SPOCK1: variants seen among roughly 807,000 people sequenced by gnomAD.
SPOCK1 encodes SPARC (osteonectin), cwcv and kazal like domains proteoglycan 1.
SPOCK1 carries 23 observed loss-of-function variants against 55.3 expected under a neutral mutation model. That is an observed-to-expected ratio of 0.42 (90% CI 0.30 to 0.59). The LOEUF (loss-of-function observed/expected upper bound fraction) is 0.59, where lower values mean the gene tolerates loss of function less well. Ranked by LOEUF, SPOCK1 falls within the 20% of genes least tolerant of loss-of-function variation. The pLI is 0.22. For synonymous variants in SPOCK1, 226 were observed against 221.0 expected, an observed-to-expected ratio of 1.02 and a Z score of -0.20; for missense variants, 499 against 552.5, an observed-to-expected ratio of 0.90 and a Z score of 0.97.
At chr5:137,225,222 A>T (rs377558562) in intron 3 of SPOCK1, among the ~76,000 whole-genome samples, 114 of 152,178 alleles carry the variant, frequency 7.5e-4, no homozygotes, top group African/African-American at 2.7e-3. Context: ...AACTGGGCTC[A>T]GTTTCCATCT....
intron 2 of SPOCK1, among the ~76,000 whole-genome samples, chr5:137,294,422 C>G (rs181466484): frequency 6.6e-6 from 1 of 152,222 alleles, no homozygotes; most frequent in East Asian, 1.9e-4. Flanking sequence ...AGTGATCTGC[C>G]CAAGGATGCA....
At chr5:137,394,348 C>A (rs927457934) in intron 2 of SPOCK1, among the ~76,000 whole-genome samples, 4 of 152,170 alleles carry the variant, frequency 2.6e-5, no homozygotes, top group Non-Finnish European at 5.9e-5. Context: ...AATTCACTAG[C>A]ATCTCTGAAT....
chr5:137,044,054 T>C (rs1327466218), intron 6 of SPOCK1, among the ~76,000 whole-genome samples: 1 of 152,198 alleles, frequency 6.6e-6, no homozygotes, highest in Non-Finnish European at 1.5e-5. Flanking sequence ...AAAGAGTTTA[T>C]GTGAAAAAAT....
intron 2 of SPOCK1, among the ~76,000 whole-genome samples, chr5:137,481,931 T>A (rs1053076647): frequency 6.6e-6 from 1 of 151,932 alleles, no homozygotes; most frequent in Non-Finnish European, 1.5e-5. Flanking sequence ...AGGAGTTACA[T>A]TGGCAGGAAG....
intron 6 of SPOCK1, among the ~76,000 whole-genome samples, chr5:137,025,101 G>T (rs1451834192): frequency 6.6e-6 from 1 of 152,126 alleles, no homozygotes; most frequent in African/African-American, 2.4e-5. Flanking sequence ...GTTGCCAGGG[G>T]GAAGAGAAAA....
chr5:137,038,995 C>T (rs1751937908), intron 6 of SPOCK1, among the ~76,000 whole-genome samples: 1 of 152,124 alleles, frequency 6.6e-6, no homozygotes, highest in South Asian at 2.1e-4. Flanking sequence ...AATGTTGTTA[C>T]ACAGACCTTC....
intron 6 of SPOCK1, among the ~76,000 whole-genome samples, chr5:137,019,379 A>G (rs1019111989): frequency 6.6e-6 from 1 of 152,156 alleles, no homozygotes; most frequent in Non-Finnish European, 1.5e-5. Flanking sequence ...TGTTATACAT[A>G]CAGTTTAGTG....
intron 3 of SPOCK1, among the ~76,000 whole-genome samples, chr5:137,246,459 T>A (rs1260986928): frequency 1.3e-5 from 2 of 152,180 alleles, no homozygotes; most frequent in Non-Finnish European, 2.9e-5. Flanking sequence ...GAATCAAACA[T>A]AACATATTTT....
intron 2 of SPOCK1, among the ~76,000 whole-genome samples, chr5:137,471,504 G>A (rs1580945126): frequency 1.3e-5 from 2 of 152,208 alleles, no homozygotes; most frequent in Admixed American, 6.5e-5. Flanking sequence ...TCAGTCAGTA[G>A]TCACCGCTAT....
At chr5:137,094,650 T>C (rs144379801) in intron 5 of SPOCK1, among the ~76,000 whole-genome samples, 1 of 152,340 alleles carries the variant, frequency 6.6e-6, no homozygotes, top group African/African-American at 2.4e-5. Flanking sequence ...CTTGCCCTGA[T>C]ATTGATGACT....
chr5:136,992,965 T>C lies in SPOCK1; in HGVS notation c.590-365A>G, dbSNP rs3777223. ...CAGTTTTGCCAGAGGAGATTACATT[T>C]TCCACTAAACTCATGCCAAGAGATT... On this transcript the variant is annotated intron_variant, in intron 6 of 10. Transcript: ENST00000394945. The C allele has an allele frequency of 1.5e-3, 247 of 169,096 alleles. 2 individuals carry two copies. Among genetic ancestry groups the C allele is most frequent in the East Asian group, 9.6e-3 (58 of 6,014 alleles). 10.5% of individuals were successfully genotyped at this position (169,096 alleles called of 1,614,324 possible). A position where few individuals can be genotyped will look rare whatever the true frequency, so the allele number is the denominator to read the frequency against.
chr5:137,242,380 C>T (rs1756299883), intron 3 of SPOCK1, among the ~76,000 whole-genome samples: 1 of 152,106 alleles, frequency 6.6e-6, no homozygotes, highest in South Asian at 2.1e-4. Flanking sequence ...AGGGTAGTTC[C>T]CTAGCACACA....
In SPOCK1 at chr5:137,009,883, C is replaced by T. The variant is rs79960595; in HGVS notation, c.590-17283G>A. Among the ~76,000 whole-genome samples the T allele has an allele frequency of 6.6e-3, 1,006 of 151,892 alleles. 7 individuals are homozygous for T. The highest frequency in any genetic ancestry group is 0.034 in the Middle Eastern group (10 of 294). On this transcript the variant is annotated intron_variant, in intron 6 of 10. Coordinates refer to ENST00000394945, the MANE Select transcript of SPOCK1 (RefSeq NM_004598.4). ...TTGCCTGGTGCTTGGTCTCCCCTCTCCTAATTTGTAAAAGGAGAATGCTTT... is the reference window on the plus strand; with the variant it reads ...TTGCCTGGTGCTTGGTCTCCCCTCTTCTAATTTGTAAAAGGAGAATGCTTT...
chr5:137,024,977 C>A (rs765242277), intron 6 of SPOCK1, among the ~76,000 whole-genome samples: 6 of 152,116 alleles, frequency 3.9e-5, no homozygotes, highest in Non-Finnish European at 7.4e-5. Context: ...ATCTTGAGGA[C>A]ATTATGCGAA....
Position 137,067,748 on chromosome 5 carries a change from G to T in SPOCK1, c.556C>A (p.Pro186Thr), listed in dbSNP as rs773373170. ...CDGPCPCLPE[P>T]EPPKHKAERS... ...TCTGCCTTGTGCTTTGGTGGCTCAG[G>T]CTCTGGGAGACAGGGACAGGGCCCA... Residue 186 changes from proline to threonine, a missense_variant, in exon 6 of 11, where the codon CCT (proline) becomes ACT (threonine). This residue lies in a region of SPOCK1 where 386 missense variants were observed against 400.6 expected (regional missense o/e 0.96). Coordinates refer to ENST00000394945, the MANE Select transcript of SPOCK1 (RefSeq NM_004598.4). 1.2e-6 allele frequency: 2 copies of T among 1,614,118 alleles called. No individual in the cohort carries two copies. The highest frequency in any genetic ancestry group is 1.3e-5 in the African/African-American group (1 of 75,008).
chr5:137,460,604 G>A (rs1684534849), intron 2 of SPOCK1, among the ~76,000 whole-genome samples: 1 of 152,170 alleles, frequency 6.6e-6, no homozygotes, highest in South Asian at 2.1e-4. Context: ...CTCTAGCAGA[G>A]AGGCAAGTAA....
intron 2 of SPOCK1, among the ~76,000 whole-genome samples, chr5:137,484,752 C>A (rs1754017884): frequency 6.6e-6 from 1 of 152,052 alleles, no homozygotes; most frequent in Non-Finnish European, 1.5e-5. Flanking sequence ...ATTCGTCACA[C>A]AATTATTTAG....
At position 137,270,692 on chromosome 5, in the gene SPOCK1, C is replaced by T. The variant is rs548055722; in HGVS notation, c.187-3637G>A. 8.5e-5 allele frequency among the ~76,000 whole-genome samples: 13 copies of T among 152,266 alleles called. No homozygotes were observed. In the South Asian group the frequency reaches 2.3e-3, roughly 27 times the overall value. ...TCTAGAATCACATAGTATTCCAAGG[C>T]AGCAGGAACTCTCATGAAAAGTTGA... On this transcript the variant is annotated intron_variant, in intron 2 of 10. Coordinates refer to ENST00000394945, the MANE Select transcript of SPOCK1 (RefSeq NM_004598.4).
At chr5:137,454,268 G>A (rs536734524) in intron 2 of SPOCK1, among the ~76,000 whole-genome samples, 1 of 152,140 alleles carries the variant, frequency 6.6e-6, no homozygotes, top group Non-Finnish European at 1.5e-5. Flanking sequence ...AGACTTAAGA[G>A]GACAGCCACC....
Sources: allele counts gnomAD v4.1 joint callset (sites outside exome capture counted in the v4.1 genomes callset), GRCh38; gene constraint gnomAD v4.1.1; regional missense constraint gnomAD v4.1.1; transcripts MANE v1.5; gene names NCBI Gene and HGNC (gene_info 2026-07-23, HGNC 2026-07-21).